COL18A1: variants seen among roughly 807,000 people sequenced by gnomAD.
COL18A1 encodes collagen type XVIII alpha 1 chain.
A neutral mutation model predicts 168.0 loss-of-function variants in COL18A1; 133 were observed. The ratio of observed to expected loss-of-function variants is 0.79; its 90% CI spans 0.69 to 0.91. The LOEUF (loss-of-function observed/expected upper bound fraction) is 0.91, where lower values mean the gene tolerates loss of function less well. Ranked by LOEUF, COL18A1 falls within the 40% of genes least tolerant of loss-of-function variation. The probability of loss-of-function intolerance (pLI) is 0.00; values close to 1 mark genes in which losing one functional copy is unlikely to be tolerated. For missense variants in COL18A1, 2,126 were observed against 1,925.4 expected (o/e 1.10, Z -1.95); for synonymous variants, 949 against 809.0 (o/e 1.17, Z -2.94).
At chr21:45,489,417 C>T (rs759724370) in intron 18 of COL18A1, 69 bp from the exon 19 acceptor site, 84 of 1,187,166 alleles carry the variant, frequency 7.1e-5, no homozygotes, top group Non-Finnish European at 8.3e-5. Context: ...TCCCTTCACC[C>T]GGGGTGGACG....
chr21:45,485,451 A>T (rs917067801), intron 15 of COL18A1, among the ~76,000 whole-genome samples: 1 of 152,052 alleles, frequency 6.6e-6, no homozygotes, highest in Non-Finnish European at 1.5e-5. Context: ...AGCTACAATC[A>T]TGCCACTGTG....
At chr21:45,446,140 T>C (rs2145829145) in intron 2 of COL18A1, among the ~76,000 whole-genome samples, 1 of 152,340 alleles carries the variant, frequency 6.6e-6, no homozygotes, top group Non-Finnish European at 1.5e-5. Flanking sequence ...CTTCGCCCTT[T>C]TGCGTGTATC....
At chr21:45,505,789 C>CCCCCCCCCT (rs1568943892) in intron 36 of COL18A1, 49 bp from the exon 37 acceptor site, 1 of 1,336,786 alleles carries the variant, frequency 7.5e-7, no homozygotes. Context: ...CCGCCCCTGC[C>CCCCCCCCCT]CCCCGCCCTC....
In COL18A1 at chr21:45,477,902, C is replaced by A. The variant is rs533684137; in HGVS notation, c.1158C>A (p.Pro386=). 1.9e-6 allele frequency: 3 copies of A among 1,565,140 alleles called. No homozygotes were observed. Among genetic ancestry groups the A allele is most frequent in the East Asian group, 2.4e-5 (1 of 41,832 alleles). ...GPAGPALQTV[P]GPQGPPGPPG... ...CAGGCCCAGCGTTGCAAACTGTCCC[C>A]GGACCACAAGGACCCCCAGGGCCTC... The change falls in exon 8 of 42, where the codon CCC becomes CCA. Residue 386 remains proline (P), a synonymous_variant. Coordinates refer to ENST00000651438, the MANE Select transcript of COL18A1 (RefSeq NM_001379500.1).
At chr21:45,437,408 ACACT>A (rs1446248128) in intron 2 of COL18A1, among the ~76,000 whole-genome samples, 12 of 112,808 alleles carry the variant, frequency 1.1e-4, no homozygotes, top group African/African-American at 3.7e-4. Context: ...ACACACACTC[ACACT>A]CAGACACACA....
chr21:45,504,661 C>T (rs2037079033), intron 34 of COL18A1, 105 bp downstream of exon 34: 1 of 982,414 alleles, frequency 1.0e-6, no homozygotes, highest in Non-Finnish European at 1.5e-6. Flanking sequence ...GCCGGAGCTG[C>T]CCCTGCAAGC....
intron 2 of COL18A1, among the ~76,000 whole-genome samples, chr21:45,459,085 C>T (rs1031439609): frequency 6.6e-6 from 1 of 152,206 alleles, no homozygotes; most frequent in Non-Finnish European, 1.5e-5. Context: ...ACTCCATCAG[C>T]GTTCCTGGCC....
At position 45,448,534 on chromosome 21, in the gene COL18A1, C is replaced by T. The variant is rs117278944; in HGVS notation, c.107-19708C>T. 4.0e-3 allele frequency among the ~76,000 whole-genome samples: 608 copies of T among 152,374 alleles called. 2 individuals are homozygous for T. Among genetic ancestry groups the T allele is most frequent in the Middle Eastern group, 0.01 (3 of 294 alleles). The stretch of plus-strand genomic sequence containing the variant: ...CCACACATCCGTGTACACGCGCACA[C>T]GTGTGCTTCTGCATACCCACATGCA... On this transcript the variant is annotated intron_variant, in intron 2 of 41. Transcript: ENST00000651438.
Position 45,438,054 on chromosome 21 carries a change from A to C in COL18A1, c.107-30188A>C, listed in dbSNP as rs1354672103. Among the ~76,000 whole-genome samples, 2 of 130,684 alleles carry C rather than the reference A, an allele frequency of 1.5e-5. 1 individual carries two copies. Among genetic ancestry groups the C allele is most frequent in the Non-Finnish European group, 3.1e-5 (2 of 63,796 alleles). The allele number at this position is 130,684 out of a possible 152,430, so 85.7% of individuals were successfully genotyped here. ...CAGACACACAGGCACTCTCCTGCAC[A>C]CACTCACACTCACACTCAGACAAGC... is the stretch of plus-strand genomic sequence containing the variant. On this transcript the variant is annotated intron_variant, in intron 2 of 41. Coordinates refer to ENST00000651438, the MANE Select transcript of COL18A1 (RefSeq NM_001379500.1).
At chr21:45,484,124 ACCTCTCCAGCG>A in intron 15 of COL18A1, among the ~76,000 whole-genome samples, 1 of 125,768 alleles carries the variant, frequency 8.0e-6, no homozygotes, top group Non-Finnish European at 1.6e-5. Flanking sequence ...ACGCACACAC[ACCTCTCCAGCG>A]TATGTACACA....
At chr21:45,497,113 G>T in intron 31 of COL18A1, 21 bp downstream of exon 31, 1 of 1,518,048 alleles carries the variant, frequency 6.6e-7, no homozygotes, top group South Asian at 1.1e-5. Context: ...TGGGCTCACA[G>T]CTGGGGACAC....
At chr21:45,444,718 C>T (rs1424197636) in intron 2 of COL18A1, among the ~76,000 whole-genome samples, 2 of 152,050 alleles carry the variant, frequency 1.3e-5, no homozygotes, top group East Asian at 1.9e-4. Flanking sequence ...ACGTGCTCCT[C>T]GAACATGCTG....
intron 2 of COL18A1, chr21:45,455,426 C>A: frequency 6.6e-7 from 1 of 1,519,998 alleles, no homozygotes; most frequent in Non-Finnish European, 9.0e-7. Context: ...CGGCCAGAGG[C>A]TGGGAAGCCT....
chr21:45,413,749 C>A (rs1569274455), intron 2 of COL18A1, among the ~76,000 whole-genome samples: 1 of 144,270 alleles, frequency 6.9e-6, no homozygotes. Flanking sequence ...GAAGCAAAGG[C>A]CCCGCCAGCC....
chr21:45,409,391 A>G (rs947120957), intron 2 of COL18A1, among the ~76,000 whole-genome samples: 2 of 152,222 alleles, frequency 1.3e-5, no homozygotes, highest in African/African-American at 4.8e-5. Flanking sequence ...ACTGTGGCCC[A>G]TGAAGATCCT....
At chr21:45,448,859 C>T (rs1396349196) in intron 2 of COL18A1, among the ~76,000 whole-genome samples, 1 of 152,194 alleles carries the variant, frequency 6.6e-6, no homozygotes, top group Admixed American at 6.5e-5. Context: ...AGCAGCCCTG[C>T]CCGCCCCCGC....
In COL18A1 at chr21:45,457,911, G is replaced by A. The variant is rs978036465; in HGVS notation, c.107-10331G>A. The stretch of plus-strand genomic sequence containing the variant: ...GGTGGACGCCCACCCACCAGGCTCC[G>A]TGAGGGATGACGAGCTTGGTGATTC... On this transcript the variant is annotated intron_variant, in intron 2 of 41. Transcript: ENST00000651438. This position sits in a 1 kb window ranked among gnomAD's most constrained non-coding sequence, Gnocchi z 4.6. Among the ~76,000 whole-genome samples the A allele has an allele frequency of 6.6e-5, 10 of 152,262 alleles. No homozygotes were observed. Among genetic ancestry groups the A allele is most frequent in the Middle Eastern group, 3.4e-3 (1 of 294 alleles).
chr21:45,437,245 TACACACACACACTCACAC>T (rs2034146898), intron 2 of COL18A1, among the ~76,000 whole-genome samples: 1 of 51,340 alleles, frequency 1.9e-5, no homozygotes, highest in African/African-American at 1.1e-4. Flanking sequence ...CACTCTCCTG[TACACACACACACTCACAC>T]ACTCAGACAC....
intron 38 of COL18A1, among the ~76,000 whole-genome samples, 157 bp downstream of exon 38, chr21:45,507,750 C>A (rs1334989872): frequency 6.6e-6 from 1 of 152,184 alleles, no homozygotes; most frequent in Non-Finnish European, 1.5e-5. Context: ...GTGCAGGACA[C>A]CCCACTACCT....
Sources: gnomAD v4.1 joint callset for allele counts (sites outside exome capture counted in the v4.1 genomes callset) on GRCh38, gnomAD v4.1.1 for gene constraint, Gnocchi (gnomAD v3.1) non-coding constraint, MANE v1.5 for transcripts, NCBI Gene and HGNC (gene_info 2026-07-23, HGNC 2026-07-21) for gene names.